GHRHR: variants seen among roughly 807,000 people sequenced by gnomAD.
GHRHR encodes growth hormone-releasing hormone receptor.
GHRHR carries 40 observed loss-of-function variants against 58.3 expected under a neutral mutation model. That is an observed-to-expected ratio of 0.69 (90% CI 0.53 to 0.89). GHRHR has a LOEUF of 0.89. GHRHR is among the 40% of genes least tolerant of loss of function. The probability of loss-of-function intolerance (pLI) is 0.00; values close to 1 mark genes in which losing one functional copy is unlikely to be tolerated. For missense variants in GHRHR, 551 were observed against 541.3 expected, an observed-to-expected ratio of 1.02 and a Z score of -0.18; for synonymous variants, 249 against 216.6, an observed-to-expected ratio of 1.15 and a Z score of -1.31.
At chr7:30,970,028 A>T in intron 4 of GHRHR, 64 bp downstream of exon 4, 1 of 797,236 alleles carries the variant, frequency 1.3e-6, no homozygotes, top group Middle Eastern at 2.2e-4. Flanking sequence ...TGGGTGCACA[A>T]CTGTAGGGGC....
At chr7:30,969,421 C>T (rs1448030684) in intron 3 of GHRHR, 12 of 597,554 alleles carry the variant, frequency 2.0e-5, no homozygotes, top group Non-Finnish European at 3.3e-5. Flanking sequence ...GGATGCCCTC[C>T]AGGTGTTAGC....
rs563705736 is a variant in GHRHR at position 30,964,761 on chromosome 7, C to T, written c.57+636C>T. On this transcript the variant is annotated intron_variant, in intron 1 of 12. Transcript: ENST00000326139. The stretch of plus-strand genomic sequence containing the variant: ...GGCTTTTGGCAACCAAATTGTACTC[C>T]ATGGGCTAGAGCGCTGGAGCACGGG... 1.4e-4 allele frequency among the ~76,000 whole-genome samples: 22 copies of T among 152,274 alleles called. No individual in the cohort carries two copies. The South Asian group carries it at 4.6e-3, about 32-fold the overall frequency.
rs199990600 is a variant in GHRHR, at chr7:30,977,293, G to A, written c.1117G>A (p.Ala373Thr). 30 of 1,613,972 alleles carry A rather than the reference G, an allele frequency of 1.9e-5. No homozygotes were observed. Among genetic ancestry groups the A allele is most frequent in the Non-Finnish European group, 2.2e-5 (26 of 1,179,992 alleles). Residue 373 changes from alanine to threonine, a missense_variant, in exon 12 of 13, where the codon GCC (alanine) becomes ACC (threonine). Physicochemically the swap from Ala to Thr is moderately conservative, Grantham distance 58. Coordinates refer to ENST00000326139, the MANE Select transcript of GHRHR (RefSeq NM_000823.4). ...GLGSFQGFIVAILYCFLNQEV... is the reference protein window; with the variant it reads ...GLGSFQGFIVTILYCFLNQEV... ...TTTGGACCCACAGGGCTTCATTGTTGCCATCCTCTACTGCTTCCTCAACCA... is the reference window on the plus strand; with the variant it reads ...TTTGGACCCACAGGGCTTCATTGTTACCATCCTCTACTGCTTCCTCAACCA...
intron 9 of GHRHR, among the ~76,000 whole-genome samples, chr7:30,975,480 T>C (rs574091897): frequency 6.6e-6 from 1 of 152,316 alleles, no homozygotes; most frequent in African/African-American, 2.4e-5. Flanking sequence ...GTGAGGGACA[T>C]CTGCTTTGTG....
intron 8 of GHRHR, 137 bp downstream of exon 8, chr7:30,974,626 C>G (rs1046563584): frequency 2.7e-6 from 2 of 742,704 alleles, no homozygotes; most frequent in Admixed American, 3.8e-5. Flanking sequence ...GGTGGGAGAA[C>G]AGTCTGTGAG....
In GHRHR at chr7:30,969,160, C is replaced by G; in HGVS notation, c.258C>G (p.Ser86Arg). Residue 86 changes from serine to arginine, a missense_variant, in exon 3 of 13, where the codon AGC becomes AGG. By Grantham distance (110) the Ser-to-Arg change is moderately radical (BLOSUM62 -1). Coordinates refer to ENST00000326139, the MANE Select transcript of GHRHR (RefSeq NM_000823.4). ...GCCCGGATTTCTTCTCTCACTTCAG[C>G]TCAGAGTCAGGTGAGGGGTGCTGGG... Reference protein sequence around the residue: ...LPCPDFFSHFSSESGAVKRDC... With the variant: ...LPCPDFFSHFRSESGAVKRDC... 1 of 1,560,984 alleles carries G rather than the reference C, an allele frequency of 6.4e-7. No homozygotes were observed.
chr7:30,977,996 G>T (rs938982881), intron 12 of GHRHR, among the ~76,000 whole-genome samples: 1 of 152,174 alleles, frequency 6.6e-6, no homozygotes, highest in African/African-American at 2.4e-5. Flanking sequence ...GGAGAGAGGC[G>T]GGGGAGAATT....
At chr7:30,967,911 T>C (rs895534126) in intron 1 of GHRHR, among the ~76,000 whole-genome samples, 3 of 152,162 alleles carry the variant, frequency 2.0e-5, no homozygotes, top group Non-Finnish European at 4.4e-5. Flanking sequence ...AAATCCAAAG[T>C]ATTGGCAGAG....
At chr7:30,975,332 G>A (rs554984159) in intron 9 of GHRHR, among the ~76,000 whole-genome samples, 7 of 152,280 alleles carry the variant, frequency 4.6e-5, no homozygotes, top group East Asian at 1.9e-4. Flanking sequence ...TAGGGGTGCC[G>A]GGTGGGGGCA....
intron 9 of GHRHR, among the ~76,000 whole-genome samples, 171 bp from the exon 10 acceptor site, chr7:30,975,606 C>A (rs934581040): frequency 3.3e-5 from 5 of 152,116 alleles, no homozygotes; most frequent in Non-Finnish European, 7.4e-5. Context: ...CCCGCCCCCC[C>A]ATCTCCAGGC....
At chr7:30,967,308 T>C (rs1792377169) in intron 1 of GHRHR, among the ~76,000 whole-genome samples, 1 of 152,212 alleles carries the variant, frequency 6.6e-6, no homozygotes, top group South Asian at 2.1e-4. Flanking sequence ...GATCTCTACA[T>C]ATTCCTGCTT....
At chr7:30,968,775 C>A (rs1584411406) in intron 1 of GHRHR, 59 bp from the exon 2 acceptor site, 1 of 1,151,886 alleles carries the variant, frequency 8.7e-7, no homozygotes, top group Non-Finnish European at 1.3e-6. Flanking sequence ...TCATGTGGAC[C>A]ACAGAGCCCA....
intron 1 of GHRHR, among the ~76,000 whole-genome samples, chr7:30,965,850 C>T (rs1283687634): frequency 6.6e-6 from 1 of 152,250 alleles, no homozygotes; most frequent in Non-Finnish European, 1.5e-5. Context: ...CCCTCCTGCT[C>T]TTCCTTCCCC....
chr7:30,970,220 G>T (rs1013540377), intron 4 of GHRHR, among the ~76,000 whole-genome samples: 2 of 152,184 alleles, frequency 1.3e-5, no homozygotes, highest in African/African-American at 2.4e-5. Context: ...TGCTGTCTTG[G>T]TTCTGTGTCC....
intron 10 of GHRHR, 45 bp downstream of exon 10, chr7:30,975,913 A>C (rs1248112765): frequency 3.7e-6 from 4 of 1,068,562 alleles, no homozygotes; most frequent in Non-Finnish European, 5.9e-6. Flanking sequence ...GGGTAACTGG[A>C]GGGGGATTCA....
chr7:30,971,337 C>A, intron 5 of GHRHR, 121 bp downstream of exon 5: 1 of 702,488 alleles, frequency 1.4e-6, no homozygotes, highest in South Asian at 1.5e-5. Flanking sequence ...ATACCCATGT[C>A]TAACTTTCCC....
intron 2 of GHRHR, 24 bp downstream of exon 2, chr7:30,968,960 G>A: frequency 1.3e-6 from 2 of 1,583,386 alleles, no homozygotes; most frequent in Non-Finnish European, 1.7e-6. Flanking sequence ...GAGGCAGGTG[G>A]TGGCTTCTCT....
At chr7:30,968,740 A>G in intron 1 of GHRHR, 94 bp from the exon 2 acceptor site, 1 of 808,298 alleles carries the variant, frequency 1.2e-6, no homozygotes, top group South Asian at 1.4e-5. Flanking sequence ...ACAGATATGA[A>G]TCAGGCCTTG....
intron 6 of GHRHR, among the ~76,000 whole-genome samples, chr7:30,973,396 C>T (rs77184697): frequency 0.11 from 16,162 of 152,206 alleles, 942 homozygotes; most frequent in Middle Eastern, 0.19. Flanking sequence ...GAAAGCATCA[C>T]TTTAATCCCA....
Sources: gnomAD v4.1 joint callset for allele counts (sites outside exome capture counted in the v4.1 genomes callset) on GRCh38, gnomAD v4.1.1 for gene constraint, MANE v1.5 for transcripts, NCBI Gene and HGNC (gene_info 2026-07-23, HGNC 2026-07-21) for gene names.